EHBP1: variants seen among roughly 807,000 people sequenced by gnomAD.
The protein encoded by EHBP1 is EH domain-binding protein 1.
Under a neutral mutation model 144.0 loss-of-function variants are expected in EHBP1, and 55 were observed. The observed-to-expected ratio is 0.38, with a 90% CI of 0.31 to 0.48. EHBP1 has a LOEUF of 0.48. Among genes scored for constraint, EHBP1 ranks in the 20% least tolerant of loss-of-function variants. The pLI, the probability that EHBP1 is intolerant of heterozygous loss-of-function variation, is 0.98. For synonymous variants in EHBP1, 469 were observed against 472.7 expected (o/e 0.99, Z 0.10); for missense variants, 1,200 against 1,364.2 (o/e 0.88, Z 1.90).
At chr2:62,888,268 CACTT>C (rs1436003905) in intron 10 of EHBP1, among the ~76,000 whole-genome samples, 1 of 152,226 alleles carries the variant, frequency 6.6e-6, no homozygotes, top group Admixed American at 6.5e-5. Flanking sequence ...AGCAGTAACT[CACTT>C]ACAGGCCCTT....
At chr2:62,823,703 A>G (rs1206208435) in intron 5 of EHBP1, among the ~76,000 whole-genome samples, 1 of 152,140 alleles carries the variant, frequency 6.6e-6, no homozygotes, top group East Asian at 1.9e-4. Context: ...TCTTCTTAAA[A>G]TGTATTTTCT....
At chr2:62,751,058 T>G (rs1181597900) in intron 3 of EHBP1, among the ~76,000 whole-genome samples, 37 of 152,172 alleles carry the variant, frequency 2.4e-4, no homozygotes, top group Admixed American at 2.4e-3. Flanking sequence ...CCCTGTCTTG[T>G]GTGAATTTTG....
At chr2:62,891,313 A>G (rs980762681) in intron 10 of EHBP1, among the ~76,000 whole-genome samples, 2 of 152,156 alleles carry the variant, frequency 1.3e-5, no homozygotes, top group South Asian at 2.1e-4. Context: ...ATTACAGTCA[A>G]CTTGAACTCC....
In EHBP1 at chr2:62,948,399, A is replaced by T; in HGVS notation, c.1553A>T (p.Asn518Ile). 6.2e-7 allele frequency: 1 copy of T among 1,614,044 alleles called. No individual in the cohort carries two copies. The highest frequency in any genetic ancestry group is 8.5e-7 in the Non-Finnish European group (1 of 1,179,958). Residue 518 changes from asparagine (N) to isoleucine (I), a missense_variant, in exon 13 of 23, where the codon AAT becomes ATT. Physicochemically the swap from Asn to Ile is moderately radical, Grantham distance 149. Coordinates refer to ENST00000431489, the MANE Select transcript of EHBP1 (RefSeq NM_001142616.3). ...IRAHFSGQEL[N>I]VVQIEENSSK... ...GCACATTTCAGTGGCCAAGAACTAA[A>T]TGTCGTTCAGATAGAGGAAAACAGC...
At chr2:62,918,197 T>C (rs534203921) in intron 10 of EHBP1, among the ~76,000 whole-genome samples, 8 of 152,208 alleles carry the variant, frequency 5.3e-5, no homozygotes, top group Non-Finnish European at 1.2e-4. Flanking sequence ...ACTCCCGGCC[T>C]ATTGTGTTTT....
intron 1 of EHBP1, among the ~76,000 whole-genome samples, chr2:62,684,784 A>G (rs2033662010): frequency 6.6e-6 from 1 of 152,228 alleles, no homozygotes; most frequent in Non-Finnish European, 1.5e-5. Flanking sequence ...AAGGAAGGGA[A>G]GGAGGGAGAC....
At chr2:62,715,231 C>T (rs571728057) in intron 2 of EHBP1, among the ~76,000 whole-genome samples, 1 of 152,228 alleles carries the variant, frequency 6.6e-6, no homozygotes, top group African/African-American at 2.4e-5. Flanking sequence ...TCTTCTGCCT[C>T]GGCCTCCCGA....
chr2:62,770,644 A>G (rs533182794), intron 4 of EHBP1, among the ~76,000 whole-genome samples: 72 of 152,324 alleles, frequency 4.7e-4, no homozygotes, highest in African/African-American at 1.6e-3. Context: ...CAACCCAGCA[A>G]TCCCATTACC....
At chr2:62,958,501 A>T (rs2057834070) in intron 14 of EHBP1, among the ~76,000 whole-genome samples, 1 of 152,226 alleles carries the variant, frequency 6.6e-6, no homozygotes, top group Non-Finnish European at 1.5e-5. Context: ...CAACAGGCAA[A>T]ACTAACGTAG....
At chr2:62,836,308 A>C (rs2047247712) in intron 7 of EHBP1, among the ~76,000 whole-genome samples, 1 of 150,582 alleles carries the variant, frequency 6.6e-6, no homozygotes, top group East Asian at 2.0e-4. Flanking sequence ...AAACTAACAA[A>C]CAGAAAGGAC....
chr2:62,700,281 G>C (rs2034239391), intron 1 of EHBP1, among the ~76,000 whole-genome samples: 1 of 152,094 alleles, frequency 6.6e-6, no homozygotes, highest in Non-Finnish European at 1.5e-5. Flanking sequence ...AAGAAATTCA[G>C]GTTGGCAAGA....
At chr2:62,924,386 A>T (rs965872195) in intron 10 of EHBP1, among the ~76,000 whole-genome samples, 1 of 152,232 alleles carries the variant, frequency 6.6e-6, no homozygotes, top group Non-Finnish European at 1.5e-5. Context: ...AGATAAATGA[A>T]ATTGAGACTG....
At chr2:62,926,157 T>C (rs971973348) in intron 10 of EHBP1, among the ~76,000 whole-genome samples, 2 of 152,104 alleles carry the variant, frequency 1.3e-5, no homozygotes, top group African/African-American at 2.4e-5. Context: ...TGGGGAAAGA[T>C]AGTCTCTTCA....
intron 8 of EHBP1, among the ~76,000 whole-genome samples, chr2:62,859,998 C>G (rs139811937): frequency 1.3e-5 from 2 of 152,040 alleles, no homozygotes; most frequent in Non-Finnish European, 1.5e-5. Context: ...TTTGCTACTG[C>G]CTGTCATGGT....
intron 10 of EHBP1, among the ~76,000 whole-genome samples, chr2:62,915,916 TCA>T (rs754195049): frequency 2.0e-5 from 3 of 152,152 alleles, no homozygotes; most frequent in Non-Finnish European, 4.4e-5. Flanking sequence ...AACAGGAGTA[TCA>T]CAGAACAATG....
At chr2:62,943,050 C>T (rs2539990) in intron 11 of EHBP1, among the ~76,000 whole-genome samples, 154 bp downstream of exon 11, 81,842 of 152,056 alleles carry the variant, frequency 0.54, 22,369 homozygotes, top group African/African-American at 0.62. Context: ...GAAAGCTTTT[C>T]CTTTTTCATA....
chr2:62,801,243 T>C (rs930362008), intron 5 of EHBP1, among the ~76,000 whole-genome samples: 1 of 152,216 alleles, frequency 6.6e-6, no homozygotes, highest in East Asian at 1.9e-4. Flanking sequence ...TTGATCACGA[T>C]AGGGATAAAA....
At chr2:62,980,019 C>T (rs1160460941) in intron 15 of EHBP1, among the ~76,000 whole-genome samples, 1 of 152,096 alleles carries the variant, frequency 6.6e-6, no homozygotes. Flanking sequence ...AGGTATATAA[C>T]CTACTTATCT....
At chr2:62,858,319 T>C in intron 7 of EHBP1, 1 of 795,618 alleles carries the variant, frequency 1.3e-6, no homozygotes, top group Non-Finnish European at 2.1e-6. Context: ...CATCTCCTCT[T>C]TGTCTTTTTG....
Sources: gnomAD v4.1 joint callset for allele counts (sites outside exome capture counted in the v4.1 genomes callset) on GRCh38, gnomAD v4.1.1 for gene constraint, MANE v1.5 for transcripts, NCBI Gene and HGNC (gene_info 2026-07-23, HGNC 2026-07-21) for gene names.